STK32B: variants seen among roughly 807,000 people sequenced by gnomAD.
STK32B encodes serine/threonine kinase 32B.
Under a neutral mutation model 52.6 loss-of-function variants are expected in STK32B, and 43 were observed. The observed-to-expected ratio is 0.82, with a 90% CI of 0.64 to 1.05. The LOEUF is 1.05. STK32B is among the 50% of genes least tolerant of loss of function. The pLI, the probability that STK32B is intolerant of heterozygous loss-of-function variation, is 0.00. For missense variants in STK32B, 621 were observed against 534.6 expected (o/e 1.16, Z -1.59); for synonymous variants, 238 against 204.3 (o/e 1.17, Z -1.41).
At chr4:5,329,747 A>C (rs1732110069) in intron 3 of STK32B, among the ~76,000 whole-genome samples, 2 of 152,190 alleles carry the variant, frequency 1.3e-5, no homozygotes, top group African/African-American at 4.8e-5. Flanking sequence ...GGGACGCAAT[A>C]AACAGCCCCC....
At chr4:5,141,680 G>C (rs1716465571) in intron 2 of STK32B, among the ~76,000 whole-genome samples, 1 of 152,254 alleles carries the variant, frequency 6.6e-6, no homozygotes, top group East Asian at 1.9e-4. Context: ...GCAGTGCTGG[G>C]GGTGGTGAGA....
At chr4:5,124,736 A>G (rs907271193) in intron 1 of STK32B, among the ~76,000 whole-genome samples, 5 of 152,160 alleles carry the variant, frequency 3.3e-5, no homozygotes, top group Non-Finnish European at 7.3e-5. Flanking sequence ...GCATGTGTGT[A>G]TGTGTGAGCA....
intron 11 of STK32B, among the ~76,000 whole-genome samples, chr4:5,489,245 CTA>C (rs1323448954): frequency 3.3e-5 from 5 of 152,068 alleles, no homozygotes; most frequent in African/African-American, 7.2e-5. Context: ...CCTAAATTAC[CTA>C]TGAGAATTGA....
At chr4:5,043,083 G>T in the STK32B span, among the ~76,000 whole-genome samples, 2 of 144,292 alleles carry the variant, frequency 1.4e-5, no homozygotes, top group African/African-American at 2.6e-5. Context: ...TCCGCAGTCC[G>T]GCCTGGGCGA....
At chr4:5,437,588 A>G (rs4689235) in intron 6 of STK32B, among the ~76,000 whole-genome samples, 12,289 of 152,258 alleles carry the variant, frequency 0.081, 917 homozygotes, top group East Asian at 0.4. Flanking sequence ...ATATGGCCCT[A>G]TTCACAGGTC....
At chr4:5,225,269 AT>A (rs1723787086) in intron 3 of STK32B, among the ~76,000 whole-genome samples, 1 of 152,066 alleles carries the variant, frequency 6.6e-6, no homozygotes, top group Non-Finnish European at 1.5e-5. Flanking sequence ...AATTAAAAAA[AT>A]TAGCCAGCTG....
At chr4:5,187,627 G>A (rs13104322) in intron 3 of STK32B, among the ~76,000 whole-genome samples, 92,103 of 141,602 alleles carry the variant, frequency 0.65, 31,703 homozygotes, top group East Asian at 0.85. Context: ...GCGGGGGAGG[G>A]GGGGGACAAG....
chr4:5,249,805 T>C lies in STK32B; in HGVS notation c.260+81355T>C, dbSNP rs190383054. Among the ~76,000 whole-genome samples, 310 of 152,272 alleles carry C rather than the reference T, an allele frequency of 2.0e-3. 2 individuals are homozygous for C. Among genetic ancestry groups the C allele is most frequent in the African/African-American group, 7.1e-3 (296 of 41,542 alleles). ...AGTTTCAGAGGTATACATGCAAGTT[T>C]GTTATATAGGTAAATTGCATGTCAC... is the stretch of plus-strand genomic sequence containing the variant. On this transcript the variant is annotated intron_variant, in intron 3 of 11. Transcript: ENST00000282908.
intron 11 of STK32B, among the ~76,000 whole-genome samples, chr4:5,479,420 A>G (rs1224151080): frequency 6.6e-6 from 1 of 152,106 alleles, no homozygotes; most frequent in Non-Finnish European, 1.5e-5. Context: ...TGCCCGGCCT[A>G]GTCTAGGGGA....
At chr4:5,336,841 G>T (rs1732734560) in intron 4 of STK32B, among the ~76,000 whole-genome samples, 2 of 152,196 alleles carry the variant, frequency 1.3e-5, no homozygotes. Flanking sequence ...TATATTGAGA[G>T]AGCCTACGAA....
At chr4:5,074,186 ATATG>A (rs915282335) in intron 1 of STK32B, among the ~76,000 whole-genome samples, 1 of 86,970 alleles carries the variant, frequency 1.1e-5, no homozygotes, top group Non-Finnish European at 2.7e-5. Context: ...GTAAATATAT[ATATG>A]TGTGTGTGTG....
intron 1 of STK32B, among the ~76,000 whole-genome samples, chr4:5,101,241 A>G (rs1713770215): frequency 6.6e-6 from 1 of 152,140 alleles, no homozygotes. Flanking sequence ...AGATGCTGTC[A>G]TTGCAGGAAT....
At chr4:5,105,765 G>A (rs1322085971) in intron 1 of STK32B, among the ~76,000 whole-genome samples, 2 of 151,598 alleles carry the variant, frequency 1.3e-5, no homozygotes, top group Admixed American at 6.6e-5. Flanking sequence ...GGGTTTCACT[G>A]TGTTAGCCAG....
intron 1 of STK32B, among the ~76,000 whole-genome samples, chr4:5,135,698 A>C (rs181254137): frequency 1.3e-5 from 2 of 152,298 alleles, no homozygotes; most frequent in East Asian, 3.9e-4. Flanking sequence ...CTTTATAGTC[A>C]CAAGATGGTT....
chr4:5,133,409 C>G (rs1715892582), intron 1 of STK32B, among the ~76,000 whole-genome samples: 1 of 152,172 alleles, frequency 6.6e-6, no homozygotes, highest in Non-Finnish European at 1.5e-5. Flanking sequence ...AGAGGGTGAT[C>G]TCATTTCCCA....
rs114107097 is a variant in STK32B, at chr4:5,308,332, G to A, written c.261-22888G>A. Among the ~76,000 whole-genome samples the A allele has an allele frequency of 5.3e-5, 8 of 152,212 alleles. No individual in the cohort carries two copies. In the East Asian group the frequency reaches 1.4e-3, roughly 26 times the overall value. ...AGTAGTTCTTGGAACAGAAGTTCACGAGTGGTTCTCCACATGCTACTCTGT... is the reference window on the plus strand; with the variant it reads ...AGTAGTTCTTGGAACAGAAGTTCACAAGTGGTTCTCCACATGCTACTCTGT... On this transcript the variant is annotated intron_variant, in intron 3 of 11. Transcript: ENST00000282908.
Position 5,251,444 on chromosome 4 carries a change from A to G in STK32B, c.261-79776A>G, listed in dbSNP as rs184039067. Reference sequence around the variant, plus strand: ...CTGTATTCTGTTCCATTGATCTGGTATTTTTGTACCAGTACCATGCTATTT... The same window carrying G: ...CTGTATTCTGTTCCATTGATCTGGTGTTTTTGTACCAGTACCATGCTATTT... On this transcript the variant is annotated intron_variant, in intron 3 of 11. Transcript: ENST00000282908. Among the ~76,000 whole-genome samples, 3 of 152,054 alleles carry G rather than the reference A, an allele frequency of 2.0e-5. No individual in the cohort carries two copies. The East Asian group carries it at 5.8e-4, about 29-fold the overall frequency.
intron 3 of STK32B, among the ~76,000 whole-genome samples, chr4:5,207,446 C>A (rs749679411): frequency 6.6e-6 from 1 of 152,036 alleles, no homozygotes; most frequent in Non-Finnish European, 1.5e-5. Context: ...CCATGTAAGA[C>A]GTGACTTTGC....
intron 5 of STK32B, among the ~76,000 whole-genome samples, chr4:5,411,005 G>A (rs1290975647): frequency 6.6e-6 from 1 of 151,418 alleles, no homozygotes; most frequent in Admixed American, 6.6e-5. Context: ...TTCATGAGGT[G>A]AATAATCCAG....
Sources: allele counts gnomAD v4.1 joint callset (sites outside exome capture counted in the v4.1 genomes callset), GRCh38; gene constraint gnomAD v4.1.1; transcripts MANE v1.5; gene names NCBI Gene and HGNC (gene_info 2026-07-23, HGNC 2026-07-21).